The following SHISA6 variants were observed in gnomAD, a reference collection of about 807,000 sequenced individuals.
SHISA6 encodes shisa family member 6.
In SHISA6, 22 loss-of-function variants were observed where a neutral mutation model predicts 47.9. The ratio of observed to expected loss-of-function variants is 0.46; its 90% CI spans 0.33 to 0.66. The LOEUF (loss-of-function observed/expected upper bound fraction) is 0.66, where lower values mean the gene tolerates loss of function less well. Ranked by LOEUF, SHISA6 falls within the 30% of genes least tolerant of loss-of-function variation. The pLI is 0.02. For synonymous variants in SHISA6, 388 were observed against 337.8 expected (o/e 1.15, Z -1.63); for missense variants, 680 against 764.6 (o/e 0.89, Z 1.30).
At chr17:11,484,749 A>T (rs1916305573) in intron 3 of SHISA6, among the ~76,000 whole-genome samples, 1 of 152,208 alleles carries the variant, frequency 6.6e-6, no homozygotes, top group Non-Finnish European at 1.5e-5. Flanking sequence ...CTAGGAAACT[A>T]TCATCAAAAT....
At chr17:11,538,770 A>C (rs1196605268) in intron 3 of SHISA6, among the ~76,000 whole-genome samples, 1 of 152,216 alleles carries the variant, frequency 6.6e-6, no homozygotes, top group Non-Finnish European at 1.5e-5. Context: ...TTAAGCATCT[A>C]AACTTTAACC....
intron 3 of SHISA6, among the ~76,000 whole-genome samples, chr17:11,412,904 C>T (rs1597500922): frequency 1.3e-5 from 2 of 152,110 alleles, no homozygotes; most frequent in Admixed American, 6.5e-5. Context: ...CCAGGGCATG[C>T]ATGCAATAAG....
At chr17:11,371,684 C>T (rs1597480661) in intron 2 of SHISA6, among the ~76,000 whole-genome samples, 1 of 151,802 alleles carries the variant, frequency 6.6e-6, no homozygotes, top group Middle Eastern at 3.4e-3. Context: ...TATAAAATAA[C>T]GTTATTAGGT....
chr17:11,386,246 A>G (rs1913190986), intron 3 of SHISA6, among the ~76,000 whole-genome samples: 1 of 152,160 alleles, frequency 6.6e-6, no homozygotes, highest in African/African-American at 2.4e-5. Flanking sequence ...GTGGTGGTGC[A>G]CACCTGTAAT....
chr17:11,263,638 C>T (rs979687268), intron 2 of SHISA6, 112 bp downstream of exon 2: 42 of 1,336,336 alleles, frequency 3.1e-5, no homozygotes, highest in Non-Finnish European at 3.8e-5. Flanking sequence ...GAGGGACTCT[C>T]ATGGACAGGC....
At chr17:11,470,044 G>A (rs558203176) in intron 3 of SHISA6, among the ~76,000 whole-genome samples, 3 of 152,186 alleles carry the variant, frequency 2.0e-5, no homozygotes, top group African/African-American at 7.2e-5. Flanking sequence ...GAAAGGCCAT[G>A]TGAGGACACC....
chr17:11,463,544 C>T (rs1915741616), intron 3 of SHISA6, among the ~76,000 whole-genome samples: 1 of 152,194 alleles, frequency 6.6e-6, no homozygotes, highest in South Asian at 2.1e-4. Context: ...TCTTTTCCAA[C>T]ATTTTGCTGT....
intron 3 of SHISA6, among the ~76,000 whole-genome samples, chr17:11,473,355 A>G (rs1567614958): frequency 6.6e-6 from 1 of 152,074 alleles, no homozygotes; most frequent in Non-Finnish European, 1.5e-5. Context: ...TTTATTTGTT[A>G]TGGTTCTGGA....
At chr17:11,434,673 ATATAAGT>A (rs1567605159) in intron 3 of SHISA6, among the ~76,000 whole-genome samples, 1 of 152,190 alleles carries the variant, frequency 6.6e-6, no homozygotes, top group Non-Finnish European at 1.5e-5. Context: ...TACATAAGAC[ATATAAGT>A]TTTATGTGTT....
intron 3 of SHISA6, among the ~76,000 whole-genome samples, chr17:11,437,236 T>A (rs984314614): frequency 6.6e-6 from 1 of 152,174 alleles, no homozygotes; most frequent in Non-Finnish European, 1.5e-5. Flanking sequence ...GCTGGTCACC[T>A]CCCTGTTGCT....
intron 3 of SHISA6, among the ~76,000 whole-genome samples, chr17:11,384,139 TG>T (rs1296200652): frequency 1.3e-5 from 2 of 152,236 alleles, no homozygotes; most frequent in African/African-American, 4.8e-5. Context: ...TTGAGCAACT[TG>T]CCTAAGTCAA....
intron 3 of SHISA6, among the ~76,000 whole-genome samples, chr17:11,461,318 A>T (rs1030229521): frequency 6.7e-6 from 1 of 149,644 alleles, no homozygotes; most frequent in Non-Finnish European, 1.5e-5. Flanking sequence ...AATGGTGTGA[A>T]CCTGGGAGGC....
intron 2 of SHISA6, among the ~76,000 whole-genome samples, chr17:11,299,987 T>A (rs770376222): frequency 9.2e-5 from 14 of 151,668 alleles, no homozygotes; most frequent in Non-Finnish European, 2.1e-4. Context: ...CTACTAAAAA[T>A]ACAAAATATT....
At chr17:11,550,504 T>C (rs2071922343) in intron 3 of SHISA6, among the ~76,000 whole-genome samples, 1 of 152,132 alleles carries the variant, frequency 6.6e-6, no homozygotes, top group African/African-American at 2.4e-5. Context: ...AAAAGGTCTA[T>C]TATGGGCCTG....
chr17:11,265,698 C>T (rs576892963), intron 2 of SHISA6, among the ~76,000 whole-genome samples: 46 of 152,248 alleles, frequency 3.0e-4, no homozygotes, highest in African/African-American at 1.1e-3. Context: ...CAAAAGCACC[C>T]CTGGTTGTTT....
At chr17:11,534,141 T>G (rs149775760) in intron 3 of SHISA6, among the ~76,000 whole-genome samples, 8,581 of 147,704 alleles carry the variant, frequency 0.058, 284 homozygotes, top group Middle Eastern at 0.096. Context: ...CACCATGCCT[T>G]GCTAATCTTT....
At chr17:11,332,259 A>G (rs1450572133) in intron 2 of SHISA6, among the ~76,000 whole-genome samples, 1 of 150,796 alleles carries the variant, frequency 6.6e-6, no homozygotes, top group Non-Finnish European at 1.5e-5. Context: ...AAAAAAATGG[A>G]AAGACAATAA....
intron 1 of SHISA6, among the ~76,000 whole-genome samples, chr17:11,255,260 G>A (rs935615790): frequency 5.9e-5 from 9 of 152,072 alleles, no homozygotes; most frequent in Non-Finnish European, 1.5e-5. Context: ...TTGCATTAGT[G>A]TGAAGATCCT....
At chr17:11,307,145 TTTTTTTTC>T (rs925043754) in intron 2 of SHISA6, among the ~76,000 whole-genome samples, 7 of 150,696 alleles carry the variant, frequency 4.6e-5, no homozygotes, top group African/African-American at 1.5e-4. Context: ...TTTGTTTTCT[TTTTTTTTC>T]TTTTTTTCTT....
Sources: allele counts gnomAD v4.1 joint callset (sites outside exome capture counted in the v4.1 genomes callset), GRCh38; gene constraint gnomAD v4.1.1; transcripts MANE v1.5; gene names NCBI Gene and HGNC (gene_info 2026-07-23, HGNC 2026-07-21).